C1orf94: variants seen among roughly 807,000 people sequenced by gnomAD.
C1orf94 encodes chromosome 1 open reading frame 94.
C1orf94 carries 45 observed loss-of-function variants against 53.6 expected under a neutral mutation model. The ratio of observed to expected loss-of-function variants is 0.84; its 90% CI spans 0.66 to 1.08. C1orf94 has a LOEUF of 1.08. C1orf94 is among the 50% of genes least tolerant of loss of function. C1orf94 has a pLI of 0.00. For missense variants in C1orf94, 762 were observed against 738.9 expected (o/e 1.03, Z -0.36); for synonymous variants, 304 against 296.1 (o/e 1.03, Z -0.27).
intron 1 of C1orf94, among the ~76,000 whole-genome samples, chr1:34,168,222 G>A (rs1642080278): frequency 6.6e-6 from 1 of 152,100 alleles, no homozygotes. Flanking sequence ...AGGCTGCAGT[G>A]AGCCATGATC....
intron 4 of C1orf94, among the ~76,000 whole-genome samples, chr1:34,206,505 G>A (rs999971041): frequency 1.3e-5 from 2 of 152,234 alleles, no homozygotes; most frequent in Non-Finnish European, 2.9e-5. Flanking sequence ...GTATGATGCC[G>A]TGCACACACA....
chr1:34,179,491 G>A (rs1642281217), intron 1 of C1orf94, among the ~76,000 whole-genome samples: 1 of 152,240 alleles, frequency 6.6e-6, no homozygotes, highest in Non-Finnish European at 1.5e-5. Context: ...GTCACACAGA[G>A]TTAATGGAGA....
chr1:34,181,823 T>A (rs1470056886), intron 1 of C1orf94, among the ~76,000 whole-genome samples: 2 of 152,066 alleles, frequency 1.3e-5, no homozygotes, highest in African/African-American at 4.8e-5. Context: ...TCTGAGGAGA[T>A]GTGATTATCT....
At chr1:34,213,234 A>T (rs1571351901) in intron 6 of C1orf94, among the ~76,000 whole-genome samples, 1 of 152,152 alleles carries the variant, frequency 6.6e-6, no homozygotes, top group East Asian at 1.9e-4. Flanking sequence ...TCCCAGCCTG[A>T]CAGTGATTCC....
At chr1:34,180,264 G>A (rs894159721) in intron 1 of C1orf94, among the ~76,000 whole-genome samples, 1 of 152,188 alleles carries the variant, frequency 6.6e-6, no homozygotes, top group Non-Finnish European at 1.5e-5. Flanking sequence ...CAATTCAGAT[G>A]TGATCATTTC....
chr1:34,215,851 C>T (rs1642979042), intron 6 of C1orf94, among the ~76,000 whole-genome samples: 1 of 152,012 alleles, frequency 6.6e-6, no homozygotes, highest in African/African-American at 2.4e-5. Flanking sequence ...ACTAAAAATA[C>T]ACAAATTAGC....
intron 6 of C1orf94, among the ~76,000 whole-genome samples, chr1:34,214,673 C>T (rs531626683): frequency 6.6e-6 from 1 of 152,116 alleles, no homozygotes; most frequent in African/African-American, 2.4e-5. Context: ...CGGGAACCAC[C>T]GACTGGGAGC....
chr1:34,188,092 A>C, intron 1 of C1orf94, among the ~76,000 whole-genome samples: 1 of 152,096 alleles, frequency 6.6e-6, no homozygotes, highest in East Asian at 1.9e-4. Flanking sequence ...AAATGCAGAC[A>C]CCTGGGCCCC....
intron 1 of C1orf94, among the ~76,000 whole-genome samples, chr1:34,169,237 A>G (rs1642098709): frequency 6.6e-6 from 1 of 152,150 alleles, no homozygotes; most frequent in Admixed American, 6.5e-5. Flanking sequence ...AAACATCTGC[A>G]GGGCAATGGA....
upstream of C1orf94, among the ~76,000 whole-genome samples, chr1:34,175,632 G>A (rs543583306): frequency 6.6e-5 from 10 of 152,206 alleles, no homozygotes; most frequent in East Asian, 1.9e-4. Flanking sequence ...GCAAGGTTGC[G>A]TATTGGGCAC....
chr1:34,204,179 C>T (rs966126829), intron 4 of C1orf94, among the ~76,000 whole-genome samples: 1 of 152,180 alleles, frequency 6.6e-6, no homozygotes, highest in Non-Finnish European at 1.5e-5. Context: ...CATTCTTTCC[C>T]TTTCAACACA....
intron 1 of C1orf94, among the ~76,000 whole-genome samples, chr1:34,171,781 G>A (rs1642148939): frequency 6.6e-6 from 1 of 152,168 alleles, no homozygotes; most frequent in South Asian, 2.1e-4. Flanking sequence ...ATGAAGATGT[G>A]TATTTTCTGC....
chr1:34,169,337 T>G (rs773871002), intron 1 of C1orf94, among the ~76,000 whole-genome samples: 5 of 152,136 alleles, frequency 3.3e-5, no homozygotes, highest in Non-Finnish European at 7.3e-5. Flanking sequence ...GCTCCCTGCC[T>G]GCCCCTCTCA....
intron 1 of C1orf94, among the ~76,000 whole-genome samples, chr1:34,180,041 G>A (rs1041790465): frequency 5.3e-5 from 8 of 152,136 alleles, no homozygotes; most frequent in African/African-American, 1.7e-4. Flanking sequence ...TAAAATAAAG[G>A]CGGTGTGCTG....
chr1:34,176,370 T>C (rs1171887030), upstream of C1orf94, among the ~76,000 whole-genome samples: 2 of 152,078 alleles, frequency 1.3e-5, no homozygotes, highest in Non-Finnish European at 2.9e-5. Flanking sequence ...TCAGCAGAGG[T>C]ACTGTGTCAG....
intron 1 of C1orf94, among the ~76,000 whole-genome samples, chr1:34,187,684 C>G (rs1258441994): frequency 6.6e-6 from 1 of 151,362 alleles, no homozygotes; most frequent in Non-Finnish European, 1.5e-5. Flanking sequence ...AAGCATCACT[C>G]TGTAGCTCCC....
chr1:34,181,063 CT>C (rs1451466676), intron 1 of C1orf94, among the ~76,000 whole-genome samples: 6 of 152,156 alleles, frequency 3.9e-5, no homozygotes, highest in African/African-American at 1.4e-4. Context: ...CTCAAAATAC[CT>C]TTTGCTTTCT....
chr1:34,204,968 T>A (rs1642768616), intron 4 of C1orf94, among the ~76,000 whole-genome samples: 1 of 152,208 alleles, frequency 6.6e-6, no homozygotes, highest in Admixed American at 6.5e-5. Context: ...GGGAAACAAC[T>A]GCATAATTCA....
At position 34,199,783 on chromosome 1, in the gene C1orf94, T is replaced by C. The variant is rs1351194744; in HGVS notation, c.1010-989T>C. Among the ~76,000 whole-genome samples, 3 of 152,176 alleles carry C rather than the reference T, an allele frequency of 2.0e-5. No individual in the cohort carries two copies. The East Asian group carries it at 5.8e-4, about 29-fold the overall frequency. On this transcript the variant is annotated intron_variant, in intron 2 of 6. Coordinates refer to ENST00000488417, the MANE Select transcript of C1orf94 (RefSeq NM_001134734.2). The stretch of plus-strand genomic sequence containing the variant: ...CTGTGTCTGCCACCAATCTTGTCCC[T>C]GCTCCACACTCTAGCCATATCCAGT...
Sources: allele counts gnomAD v4.1 joint callset (sites outside exome capture counted in the v4.1 genomes callset), GRCh38; gene constraint gnomAD v4.1.1; transcripts MANE v1.5; gene names NCBI Gene and HGNC (gene_info 2026-07-23, HGNC 2026-07-21).